The following SOS2 variants were observed in gnomAD, a reference collection of about 807,000 sequenced individuals.
SOS2 encodes the protein son of sevenless homolog 2.
SOS2 carries 65 observed loss-of-function variants against 148.2 expected under a neutral mutation model. The observed-to-expected ratio is 0.44, with a 90% CI of 0.36 to 0.54. The LOEUF (loss-of-function observed/expected upper bound fraction) is 0.54. SOS2 is among the 20% of genes least tolerant of loss of function. SOS2 has a pLI of 0.00. For missense variants in SOS2, 1,341 were observed against 1,590.2 expected, an observed-to-expected ratio of 0.84 and a Z score of 2.67; for synonymous variants, 539 against 537.1, an observed-to-expected ratio of 1.00 and a Z score of -0.05.
intron 21 of SOS2, among the ~76,000 whole-genome samples, chr14:50,124,957 C>T (rs983673592): frequency 1.3e-5 from 2 of 152,140 alleles, no homozygotes; most frequent in Non-Finnish European, 2.9e-5. Context: ...ATGTATTTTA[C>T]TACCATTCAA....
At chr14:50,196,967 C>T (rs904106203) in intron 4 of SOS2, among the ~76,000 whole-genome samples, 2 of 151,978 alleles carry the variant, frequency 1.3e-5, no homozygotes, top group Non-Finnish European at 2.9e-5. Context: ...TCCCGAGCTC[C>T]AGTGATTCTC....
At chr14:50,124,943 G>GA (rs375620547) in intron 21 of SOS2, among the ~76,000 whole-genome samples, 29 of 152,020 alleles carry the variant, frequency 1.9e-4, no homozygotes, top group African/African-American at 6.8e-4. Flanking sequence ...TTCTTATATG[G>GA]AAAATGTATT....
intron 1 of SOS2, among the ~76,000 whole-genome samples, chr14:50,221,567 T>C (rs1204657687): frequency 6.6e-6 from 1 of 152,224 alleles, no homozygotes; most frequent in Admixed American, 6.5e-5. Flanking sequence ...AAGAGATAAT[T>C]ACAAATATTT....
At chr14:50,145,901 G>A (rs1884450761) in intron 14 of SOS2, among the ~76,000 whole-genome samples, 1 of 152,118 alleles carries the variant, frequency 6.6e-6, no homozygotes, top group South Asian at 2.1e-4. Context: ...TTGGGAGGCC[G>A]AGGCAGATGG....
At chr14:50,158,992 G>C (rs1267401813) in intron 10 of SOS2, among the ~76,000 whole-genome samples, 3 of 151,990 alleles carry the variant, frequency 2.0e-5, no homozygotes, top group African/African-American at 7.3e-5. Flanking sequence ...AAACCATCCT[G>C]GCTAACACGG....
chr14:50,190,480 C>G (rs570665419), intron 4 of SOS2, among the ~76,000 whole-genome samples: 2 of 152,298 alleles, frequency 1.3e-5, no homozygotes, highest in South Asian at 4.1e-4. Flanking sequence ...TTATAAGCAT[C>G]TTTTAAATCT....
chr14:50,188,217 A>G (rs939854777), intron 5 of SOS2, among the ~76,000 whole-genome samples: 1 of 152,140 alleles, frequency 6.6e-6, no homozygotes, highest in African/African-American at 2.4e-5. Context: ...AGCCTGGCCA[A>G]TATGAAGAAA....
chr14:50,130,654 C>G lies in SOS2; in HGVS notation c.3184G>C (p.Glu1062Gln). ...CGACTAAAGCTTATTTTACATGGTT[C>G]TCTTTCTAATGGTGTTGGGTGACCT... ...LRGHPTPLER[E>Q]PCKISFSRIA... The change falls in exon 20 of 23, where the codon GAA becomes CAA. Residue 1062 changes from glutamate (E) to glutamine (Q), a missense_variant. By Grantham distance (29) the Glu-to-Gln change is conservative (BLOSUM62 2). Around this residue, in one of 4 missense-constraint regions of SOS2, gnomAD observed 354 missense variants for 347.7 expected, o/e 1.02. Transcript: ENST00000216373. 1 of 1,614,124 alleles carries G rather than the reference C, an allele frequency of 6.2e-7. No individual in the cohort carries two copies. The highest frequency in any genetic ancestry group is 8.5e-7 in the Non-Finnish European group (1 of 1,180,002).
intron 4 of SOS2, among the ~76,000 whole-genome samples, chr14:50,198,352 TAAA>T (rs11296281): frequency 9.6e-5 from 14 of 146,456 alleles, no homozygotes; most frequent in Non-Finnish European, 9.0e-5. Flanking sequence ...ATTTTCAAAG[TAAA>T]AAAAAAAAAA....
At chr14:50,170,527 A>T (rs1885327157) in intron 8 of SOS2, among the ~76,000 whole-genome samples, 1 of 151,894 alleles carries the variant, frequency 6.6e-6, no homozygotes, top group Non-Finnish European at 1.5e-5. Context: ...CTCTACAAAA[A>T]ATTTAAAAAT....
chr14:50,212,367 G>A (rs756284368), intron 1 of SOS2, among the ~76,000 whole-genome samples: 3 of 152,166 alleles, frequency 2.0e-5, no homozygotes, highest in Non-Finnish European at 2.9e-5. Flanking sequence ...CCAGCTACTC[G>A]GGAGGCTGAG....
At position 50,231,350 on chromosome 14, in the gene SOS2, G is replaced by T. The variant is rs1292124190; in HGVS notation, c.-67C>A. Reference sequence around the variant, plus strand: ...GCCGGGCCGGTGGCCTGACAGGCAGGGCGCGGGCCGCCTCGCCTCGCCGGC... The same window carrying T: ...GCCGGGCCGGTGGCCTGACAGGCAGTGCGCGGGCCGCCTCGCCTCGCCGGC... On this transcript the variant is annotated 5_prime_UTR_variant, in exon 1 of 23. Coordinates refer to ENST00000216373, the MANE Select transcript of SOS2 (RefSeq NM_006939.4). 5.5e-6 allele frequency: 4 copies of T among 722,624 alleles called. No individual in the cohort carries two copies. Among genetic ancestry groups the T allele is most frequent in the Non-Finnish European group, 7.1e-6 (4 of 559,494 alleles). 44.8% of individuals were successfully genotyped at this position (722,624 alleles called of 1,614,324 possible).
At chr14:50,161,789 C>CTTTTT (rs36219580) in intron 8 of SOS2, among the ~76,000 whole-genome samples, 180 bp from the exon 9 acceptor site, 2 of 135,312 alleles carry the variant, frequency 1.5e-5, no homozygotes, top group Non-Finnish European at 3.2e-5. Context: ...CTTTTTCTTT[C>CTTTTT]TTTTTTTTTT....
In SOS2 at chr14:50,169,198, C is replaced by T. The variant is rs1317106402; in HGVS notation, c.1068+5256G>A. Among the ~76,000 whole-genome samples, 3 of 151,912 alleles carry T rather than the reference C, an allele frequency of 2.0e-5. No homozygotes were observed. The East Asian group carries it at 5.8e-4, about 29-fold the overall frequency. On this transcript the variant is annotated intron_variant, in intron 8 of 22. Coordinates refer to ENST00000216373, the MANE Select transcript of SOS2 (RefSeq NM_006939.4). ...AGGCATGGTAGCACGCATCTGTAAT[C>T]TCAGCTACTCAGGAGGCTGAAGCAA... is the stretch of plus-strand genomic sequence containing the variant.
At chr14:50,137,170 CAT>C (rs1228730997) in intron 18 of SOS2, among the ~76,000 whole-genome samples, 3 of 152,092 alleles carry the variant, frequency 2.0e-5, no homozygotes, top group African/African-American at 7.2e-5. Context: ...AACATAATAT[CAT>C]AGTTTAATTT....
At chr14:50,121,641 G>A (rs989473665) in intron 21 of SOS2, among the ~76,000 whole-genome samples, 1 of 134,794 alleles carries the variant, frequency 7.4e-6, no homozygotes, top group African/African-American at 2.9e-5. Context: ...TAAACACTCT[G>A]AACTGAACTG....
At chr14:50,195,890 G>A (rs1261491240) in intron 4 of SOS2, among the ~76,000 whole-genome samples, 2 of 152,140 alleles carry the variant, frequency 1.3e-5, no homozygotes, top group African/African-American at 4.8e-5. Flanking sequence ...AGCCAGGCAT[G>A]GTGGTGGGCA....
At chr14:50,155,490 C>T (rs1438554869) in intron 12 of SOS2, among the ~76,000 whole-genome samples, 3 of 152,126 alleles carry the variant, frequency 2.0e-5, no homozygotes, top group Admixed American at 6.6e-5. Context: ...CCTATACATC[C>T]TTTAGGGGCA....
In SOS2 at chr14:50,167,276, T is replaced by C. The variant is rs997007171; in HGVS notation, c.1069-5667A>G. Among the ~76,000 whole-genome samples the C allele has an allele frequency of 2.0e-5, 3 of 152,102 alleles. 1 individual carries two copies. In the South Asian group the frequency reaches 6.2e-4, roughly 32 times the overall value. On this transcript the variant is annotated intron_variant, in intron 8 of 22. Transcript: ENST00000216373. ...TTGAGAGATTTCTTTCAATAGAGATTGCAAGCTCTTTATGTTATGAATATA... is the reference window on the plus strand; with the variant it reads ...TTGAGAGATTTCTTTCAATAGAGATCGCAAGCTCTTTATGTTATGAATATA...
Sources: gnomAD v4.1 joint callset for allele counts (sites outside exome capture counted in the v4.1 genomes callset) on GRCh38, gnomAD v4.1.1 for gene constraint, gnomAD v4.1.1 regional missense constraint, MANE v1.5 for transcripts, NCBI Gene and HGNC (gene_info 2026-07-23, HGNC 2026-07-21) for gene names.